MARCHF1: variants seen among roughly 807,000 people sequenced by gnomAD.
The protein encoded by MARCHF1 is membrane associated ring-CH-type finger 1, also known as E3 ubiquitin-protein ligase MARCHF1.
A neutral mutation model predicts 54.2 loss-of-function variants in MARCHF1; 40 were observed. That is an observed-to-expected ratio of 0.74 (90% CI 0.57 to 0.96). The LOEUF (loss-of-function observed/expected upper bound fraction) is 0.96. Ranked by LOEUF, MARCHF1 falls within the 40% of genes least tolerant of loss-of-function variation. The probability of loss-of-function intolerance (pLI) is 0.00; values close to 1 mark genes in which losing one functional copy is unlikely to be tolerated. For synonymous variants in MARCHF1, 236 were observed against 236.3 expected, an observed-to-expected ratio of 1.00 and a Z score of 0.01; for missense variants, 586 against 656.5, an observed-to-expected ratio of 0.89 and a Z score of 1.17.
chr4:164,061,063 G>A (rs754020485), intron 2 of MARCHF1, among the ~76,000 whole-genome samples: 10 of 152,078 alleles, frequency 6.6e-5, no homozygotes, highest in East Asian at 3.9e-4. Context: ...TTATCCATAC[G>A]ATTTGTAAGG....
chr4:163,833,268 T>C (rs907879569), intron 4 of MARCHF1, among the ~76,000 whole-genome samples: 11 of 152,204 alleles, frequency 7.2e-5, no homozygotes, highest in Non-Finnish European at 1.3e-4. Context: ...TCCTGACTTT[T>C]TAATGATCGC....
chr4:164,240,071 A>G (rs1732692894), intron 1 of MARCHF1, among the ~76,000 whole-genome samples: 1 of 152,198 alleles, frequency 6.6e-6, no homozygotes, highest in Non-Finnish European at 1.5e-5. Context: ...AACTGGACAA[A>G]TGAAATAGAT....
intron 5 of MARCHF1, among the ~76,000 whole-genome samples, chr4:163,665,541 A>G (rs1332483719): frequency 2.0e-5 from 3 of 152,182 alleles, no homozygotes; most frequent in Non-Finnish European, 4.4e-5. Context: ...CAATTTTTAC[A>G]TATGTGATAA....
chr4:164,212,949 T>C (rs1332516722), intron 1 of MARCHF1, among the ~76,000 whole-genome samples: 1 of 152,166 alleles, frequency 6.6e-6, no homozygotes, highest in Non-Finnish European at 1.5e-5. Context: ...ATGAAAGGTT[T>C]GACTGTATAC....
At chr4:164,250,389 T>C (rs1400523968) in intron 1 of MARCHF1, among the ~76,000 whole-genome samples, 1 of 152,088 alleles carries the variant, frequency 6.6e-6, no homozygotes, top group Non-Finnish European at 1.5e-5. Flanking sequence ...AAAGCCAATA[T>C]AGAAGATGCT....
At position 163,885,943 on chromosome 4, in the gene MARCHF1, A is replaced by G. The variant is rs549258502; in HGVS notation, c.-38-31774T>C. 5.4e-5 allele frequency among the ~76,000 whole-genome samples: 8 copies of G among 147,956 alleles called. No homozygotes were observed. The South Asian group carries it at 1.7e-3, about 31-fold the overall frequency. On this transcript the variant is annotated intron_variant, in intron 3 of 9. Coordinates refer to ENST00000514618, the MANE Select transcript of MARCHF1 (RefSeq NM_001394959.1). ...TTATCTAGCTATCTAATATATATAT[A>G]AATATATATATTTATGTATCTATCT...
chr4:163,908,573 G>A (rs1751120972), intron 3 of MARCHF1, among the ~76,000 whole-genome samples: 1 of 152,124 alleles, frequency 6.6e-6, no homozygotes, highest in Non-Finnish European at 1.5e-5. Flanking sequence ...TGCTGGATTT[G>A]AAGGAGGCTA....
chr4:164,043,342 G>A (rs1355789234), intron 2 of MARCHF1, among the ~76,000 whole-genome samples: 1 of 152,132 alleles, frequency 6.6e-6, no homozygotes, highest in Non-Finnish European at 1.5e-5. Context: ...TGCCTTATAT[G>A]CACTTGCAGG....
At chr4:163,960,122 G>T (rs753070233) in intron 3 of MARCHF1, among the ~76,000 whole-genome samples, 7 of 151,946 alleles carry the variant, frequency 4.6e-5, no homozygotes, top group Non-Finnish European at 7.4e-5. Context: ...TCTCACACCA[G>T]TCAGAATGTC....
chr4:164,331,099 T>A (rs779263086), intron 1 of MARCHF1, among the ~76,000 whole-genome samples: 39 of 152,190 alleles, frequency 2.6e-4, no homozygotes, highest in Non-Finnish European at 5.1e-4. Flanking sequence ...CCTTTTTATA[T>A]CATTAGTCAA....
In MARCHF1 at chr4:164,069,756, AT is replaced by A. The variant is rs571667032; in HGVS notation, c.-248+41831del. On this transcript the variant is annotated intron_variant, in intron 2 of 9. Transcript: ENST00000514618. ...AGAACCCACCAATTCTGGACACACC[AT>A]TACTAGGTATATACCCAAAGGAAAA... Among the ~76,000 whole-genome samples the A allele has an allele frequency of 2.6e-5, 4 of 152,324 alleles. No individual in the cohort carries two copies. The East Asian group carries it at 7.7e-4, about 29-fold the overall frequency.
chr4:164,014,190 C>CAAAA (rs70948689), intron 2 of MARCHF1, among the ~76,000 whole-genome samples: 45 of 113,222 alleles, frequency 4.0e-4, no homozygotes, highest in African/African-American at 1.4e-3. Flanking sequence ...GACTGCATCT[C>CAAAA]AAAAAAAAAA....
intron 5 of MARCHF1, among the ~76,000 whole-genome samples, chr4:163,692,762 C>T (rs1744505376): frequency 6.6e-6 from 1 of 151,144 alleles, no homozygotes; most frequent in Non-Finnish European, 1.5e-5. Context: ...CACCATTTAG[C>T]TTCTCGGTCT....
chr4:164,148,987 G>A (rs1002241400), intron 1 of MARCHF1, among the ~76,000 whole-genome samples: 7 of 152,280 alleles, frequency 4.6e-5, no homozygotes, highest in African/African-American at 1.7e-4. Context: ...CTAATGGCAG[G>A]TGTTTGGGTC....
intron 1 of MARCHF1, among the ~76,000 whole-genome samples, chr4:164,200,869 G>C (rs1265264221): frequency 6.6e-6 from 1 of 152,182 alleles, no homozygotes; most frequent in African/African-American, 2.4e-5. Flanking sequence ...TCCTGCGAGG[G>C]TGATGACTGA....
Position 163,529,002 on chromosome 4 carries a change from T to C in MARCHF1, c.1384A>G (p.Ile462Val), listed in dbSNP as rs909349637. 1.9e-5 allele frequency: 31 copies of C among 1,612,014 alleles called. No homozygotes were observed. Among genetic ancestry groups the C allele is most frequent in the Non-Finnish European group, 2.5e-5 (30 of 1,178,856 alleles). Residue 462 changes from isoleucine (I) to valine (V), a missense_variant, in exon 10 of 10, where the codon ATT becomes GTT. By Grantham distance (29) the Ile-to-Val change is conservative. Around this residue, in one of 3 missense-constraint regions of MARCHF1, gnomAD observed 93 missense variants for 168.2 expected, o/e 0.55. Coordinates refer to ENST00000514618, the MANE Select transcript of MARCHF1 (RefSeq NM_001394959.1). ...PFWTKLVVVAIGFTGGLVFMY... is the reference protein window; with the variant it reads ...PFWTKLVVVAVGFTGGLVFMY... ...AAGACAAGACCTCCTGTGAAGCCAATGGCTACCACAACCAGTTTTGTCCAA... is the reference window on the plus strand; with the variant it reads ...AAGACAAGACCTCCTGTGAAGCCAACGGCTACCACAACCAGTTTTGTCCAA...
chr4:163,696,187 C>G (rs1744624178), intron 5 of MARCHF1, among the ~76,000 whole-genome samples: 2 of 152,032 alleles, frequency 1.3e-5, no homozygotes, highest in East Asian at 1.9e-4. Flanking sequence ...TTGCAAGGAC[C>G]ATAAAATTCA....
chr4:163,634,498 G>C (rs1742237716), intron 5 of MARCHF1, among the ~76,000 whole-genome samples: 1 of 147,294 alleles, frequency 6.8e-6, no homozygotes, highest in Admixed American at 6.8e-5. Context: ...AAGAGACAAA[G>C]AAGGCCACTA....
At chr4:163,557,489 GT>G (rs138191174) in intron 8 of MARCHF1, among the ~76,000 whole-genome samples, 7 of 152,086 alleles carry the variant, frequency 4.6e-5, no homozygotes, top group Non-Finnish European at 7.4e-5. Flanking sequence ...CAAGGGGTGT[GT>G]TTTTTTGTAA....
Sources: allele counts gnomAD v4.1 joint callset (sites outside exome capture counted in the v4.1 genomes callset), GRCh38; gene constraint gnomAD v4.1.1; regional missense constraint gnomAD v4.1.1; transcripts MANE v1.5; gene names NCBI Gene and HGNC (gene_info 2026-07-23, HGNC 2026-07-21).